FRMD5: variants seen among roughly 807,000 people sequenced by gnomAD.
FRMD5 encodes the protein FERM domain-containing protein 5.
A neutral mutation model predicts 69.0 loss-of-function variants in FRMD5; 20 were observed. The ratio of observed to expected loss-of-function variants is 0.29; its 90% confidence interval spans 0.20 to 0.42. The LOEUF (loss-of-function observed/expected upper bound fraction) is 0.42. FRMD5 is among the 10% of genes least tolerant of loss of function. FRMD5 has a pLI of 1.00. For missense variants in FRMD5, 595 were observed against 708.6 expected, an observed-to-expected ratio of 0.84 and a Z score of 1.82; for synonymous variants, 271 against 260.1, an observed-to-expected ratio of 1.04 and a Z score of -0.40.
chr15:43,879,662 C>CT (rs971158737), intron 13 of FRMD5: 2 of 399,152 alleles, frequency 5.0e-6, no homozygotes, highest in Admixed American at 4.4e-5. Context: ...TAATCAGACT[C>CT]TTCCCCATGG....
At chr15:43,990,176 A>G in intron 1 of FRMD5, 1 of 542,148 alleles carries the variant, frequency 1.8e-6, no homozygotes. Context: ...TGGTGATATC[A>G]TCATCCATGG....
chr15:44,117,454 G>GA (rs1313781760), intron 1 of FRMD5, among the ~76,000 whole-genome samples: 2 of 152,128 alleles, frequency 1.3e-5, no homozygotes, highest in African/African-American at 4.8e-5. Context: ...AGATGAAAGG[G>GA]AAAAAAATCA....
At chr15:43,887,627 TAGCAGCC>T (rs2088695011) in intron 10 of FRMD5, among the ~76,000 whole-genome samples, 2 of 152,178 alleles carry the variant, frequency 1.3e-5, no homozygotes, top group African/African-American at 2.4e-5. Context: ...CAGCATCCCA[TAGCAGCC>T]AGCAGGCAGC....
intron 1 of FRMD5, among the ~76,000 whole-genome samples, chr15:44,079,952 T>C (rs971557875): frequency 6.6e-6 from 1 of 151,678 alleles, no homozygotes; most frequent in Non-Finnish European, 1.5e-5. Context: ...AGACAGAAAA[T>C]AGAATGGGGA....
intron 1 of FRMD5, among the ~76,000 whole-genome samples, chr15:43,942,976 TC>T (rs2140491341): frequency 6.6e-6 from 1 of 152,290 alleles, no homozygotes; most frequent in East Asian, 1.9e-4. Flanking sequence ...GCACGGTGGC[TC>T]ACTCCTGTAA....
intron 1 of FRMD5, among the ~76,000 whole-genome samples, chr15:44,014,772 C>T (rs1890881470): frequency 6.6e-6 from 1 of 152,024 alleles, no homozygotes; most frequent in Non-Finnish European, 1.5e-5. Flanking sequence ...AGAATACCTA[C>T]CTCAAGAGTT....
chr15:44,116,580 GC>G (rs2076871560), intron 1 of FRMD5, among the ~76,000 whole-genome samples: 2 of 152,088 alleles, frequency 1.3e-5, no homozygotes, highest in Admixed American at 1.3e-4. Context: ...TCATTAACTG[GC>G]TAAAGGGTTA....
At chr15:43,902,375 G>A in intron 6 of FRMD5, 113 bp from the exon 7 acceptor site, 2 of 883,084 alleles carry the variant, frequency 2.3e-6, no homozygotes, top group East Asian at 2.5e-5. Context: ...AGTTTGTCTA[G>A]GGTGTGCTCC....
At chr15:44,071,649 A>G (rs1324497643) in intron 1 of FRMD5, among the ~76,000 whole-genome samples, 1 of 152,034 alleles carries the variant, frequency 6.6e-6, no homozygotes, top group African/African-American at 2.4e-5. Context: ...TCCAGAGTTG[A>G]TTTTTTGAAC....
At chr15:44,138,021 G>C (rs1354717301) in intron 1 of FRMD5, among the ~76,000 whole-genome samples, 1 of 152,170 alleles carries the variant, frequency 6.6e-6, no homozygotes, top group Non-Finnish European at 1.5e-5. Flanking sequence ...TTATCACAAT[G>C]ATCAGAAATC....
At chr15:43,929,368 C>T (rs1224892698) in intron 1 of FRMD5, among the ~76,000 whole-genome samples, 1 of 152,212 alleles carries the variant, frequency 6.6e-6, no homozygotes, top group Non-Finnish European at 1.5e-5. Context: ...TGGCATGCAG[C>T]ATCCTGATGA....
In FRMD5 at chr15:44,168,576, ACTTTT is replaced by A. The variant is rs149554079; in HGVS notation, c.102+26372_102+26376del. 1.4e-3 allele frequency among the ~76,000 whole-genome samples: 217 copies of A among 152,308 alleles called. 2 individuals carry two copies. Among genetic ancestry groups the A allele is most frequent in the African/African-American group, 5.0e-3 (209 of 41,556 alleles). On this transcript the variant is annotated intron_variant, in intron 1 of 13. Transcript: ENST00000417257. ...ACAAGAACAATTACTTGATGTAAAA[ACTTTT>A]CTTTAACAACTCTACTTTCTGAAAG... is the stretch of plus-strand genomic sequence containing the variant.
At chr15:44,118,883 C>T (rs1010168652) in intron 1 of FRMD5, among the ~76,000 whole-genome samples, 3 of 152,150 alleles carry the variant, frequency 2.0e-5, no homozygotes, top group African/African-American at 7.2e-5. Flanking sequence ...TCAAATGATC[C>T]ACCCACCTCA....
At chr15:44,004,497 A>T (rs559838872) in intron 1 of FRMD5, among the ~76,000 whole-genome samples, 50 of 152,302 alleles carry the variant, frequency 3.3e-4, no homozygotes, top group Admixed American at 3.2e-3. Context: ...AATATTTCAA[A>T]GTTTTCCATT....
chr15:43,949,221 T>C (rs779030593), intron 1 of FRMD5, among the ~76,000 whole-genome samples: 13 of 152,188 alleles, frequency 8.5e-5, no homozygotes, highest in Non-Finnish European at 1.5e-4. Flanking sequence ...CCCTGCAAGG[T>C]TCCCTGACAT....
At chr15:44,185,746 T>C (rs2078088908) in intron 1 of FRMD5, among the ~76,000 whole-genome samples, 1 of 151,300 alleles carries the variant, frequency 6.6e-6, no homozygotes, top group African/African-American at 2.4e-5. Flanking sequence ...TGAGCCGACA[T>C]CATACCACTG....
At chr15:44,194,924 C>T in intron 1 of FRMD5, 29 bp downstream of exon 1, 2 of 1,503,736 alleles carry the variant, frequency 1.3e-6, no homozygotes, top group Non-Finnish European at 1.8e-6. Flanking sequence ...GGGGGTCCCG[C>T]GGGCGGGGCG....
At chr15:44,136,149 A>T (rs1039874133) in intron 1 of FRMD5, among the ~76,000 whole-genome samples, 4 of 151,904 alleles carry the variant, frequency 2.6e-5, no homozygotes, top group Non-Finnish European at 4.4e-5. Flanking sequence ...AGTAGCTGGG[A>T]CTACAGAGGT....
chr15:44,147,408 G>A (rs2077374176), intron 1 of FRMD5, among the ~76,000 whole-genome samples: 1 of 152,120 alleles, frequency 6.6e-6, no homozygotes, highest in South Asian at 2.1e-4. Flanking sequence ...CGGGTAGCGT[G>A]ATGCCTCCAG....
Sources: allele counts gnomAD v4.1 joint callset (sites outside exome capture counted in the v4.1 genomes callset), GRCh38; gene constraint gnomAD v4.1.1; transcripts MANE v1.5; gene names NCBI Gene and HGNC (gene_info 2026-07-23, HGNC 2026-07-21).